REPS1: variants seen among roughly 807,000 people sequenced by gnomAD.
REPS1 encodes RALBP1 associated Eps domain containing 1.
In REPS1, 39 loss-of-function variants were observed where a neutral mutation model predicts 100.9. The ratio of observed to expected loss-of-function variants is 0.39; its 90% CI spans 0.30 to 0.50. The LOEUF is 0.50. REPS1 is among the 20% of genes least tolerant of loss of function. The pLI, the probability that REPS1 is intolerant of heterozygous loss-of-function variation, is 0.86. For missense variants in REPS1, 821 were observed against 968.5 expected (o/e 0.85, Z 2.02); for synonymous variants, 324 against 340.3 (o/e 0.95, Z 0.53).
At position 138,926,460 on chromosome 6, in the gene REPS1, G is replaced by A. The variant is rs756901615; in HGVS notation, c.1279C>T (p.Arg427Cys). ...GTCAGAGTTTGTGAGCTTGAAGAGC[G>A]TTCACTAAATGTCTCCCACTGCTGA... is the stretch of plus-strand genomic sequence containing the variant. ...SSEQWETFSERSSSSQTLTQF... is the reference protein window; with the variant it reads ...SSEQWETFSECSSSSQTLTQF... Residue 427 changes from arginine (R) to cysteine (C), a missense_variant, in exon 10 of 20, where the codon CGC becomes TGC. Arg to Cys is a radical substitution (Grantham distance 180). This residue lies in a region of REPS1 where 757 missense variants were observed against 866.4 expected (regional missense o/e 0.87). Coordinates refer to ENST00000450536, the MANE Select transcript of REPS1 (RefSeq NM_001286611.2). 5.0e-6 allele frequency: 8 copies of A among 1,612,132 alleles called. No individual in the cohort carries two copies. Among genetic ancestry groups the A allele is most frequent in the South Asian group, 3.3e-5 (3 of 90,612 alleles).
Position 138,908,744 on chromosome 6 carries a change from T to C in REPS1, c.2140A>G (p.Arg714Gly). The C allele has an allele frequency of 6.2e-7, 1 of 1,614,208 alleles. No individual in the cohort carries two copies. Among genetic ancestry groups the C allele is most frequent in the Non-Finnish European group, 8.5e-7 (1 of 1,180,014 alleles). The change falls in exon 18 of 20, where the codon AGG becomes GGG. Residue 714 changes from arginine (R) to glycine (G), a missense_variant. Physicochemically the swap from Arg to Gly is moderately radical, Grantham distance 125 (BLOSUM62 -2). Coordinates refer to ENST00000450536, the MANE Select transcript of REPS1 (RefSeq NM_001286611.2). ...RRRLKSEDEL[R>G]PEVDEHTQKT... ...TGTGTATGTTCATCAACTTCTGGCC[T>C]TAATTCATCTTCTGATTTTAATCTT...
intron 1 of REPS1, among the ~76,000 whole-genome samples, chr6:138,971,229 G>T (rs1226499774): frequency 6.6e-6 from 1 of 152,128 alleles, no homozygotes; most frequent in Non-Finnish European, 1.5e-5. Context: ...AATACAGTGG[G>T]TCATTAGCTT....
At chr6:138,976,034 C>T (rs1044195536) in intron 1 of REPS1, among the ~76,000 whole-genome samples, 12 of 152,098 alleles carry the variant, frequency 7.9e-5, no homozygotes, top group African/African-American at 2.9e-4. Context: ...AAAATTACTA[C>T]GATGTTGTAA....
chr6:138,923,490 G>C (rs1459491074), intron 10 of REPS1, among the ~76,000 whole-genome samples: 2 of 152,184 alleles, frequency 1.3e-5, no homozygotes, highest in Non-Finnish European at 1.5e-5. Context: ...TGGAACAGCT[G>C]GGAATGTTAA....
chr6:138,972,689 A>G (rs1582851832), intron 1 of REPS1, among the ~76,000 whole-genome samples: 3 of 152,106 alleles, frequency 2.0e-5, no homozygotes, highest in African/African-American at 7.2e-5. Context: ...CCACTAAAAA[A>G]AAAAAAAAAA....
intron 19 of REPS1, among the ~76,000 whole-genome samples, chr6:138,906,659 A>C (rs1366217176): frequency 6.6e-6 from 1 of 152,184 alleles, no homozygotes; most frequent in African/African-American, 2.4e-5. Context: ...AACTGCATTC[A>C]TTTTTCATTT....
chr6:138,914,194 C>T (rs1004730894), intron 15 of REPS1, among the ~76,000 whole-genome samples: 4 of 152,120 alleles, frequency 2.6e-5, no homozygotes, highest in Non-Finnish European at 4.4e-5. Flanking sequence ...CTCAGCCTCC[C>T]AAGTAGCTGG....
Position 138,971,019 on chromosome 6 carries a change from C to T in REPS1, c.153+16511G>A, listed in dbSNP as rs551977640. The stretch of plus-strand genomic sequence containing the variant: ...TACAATTAGTAACTATGACAATTCC[C>T]TTTTTGCCATTTGTTAAGTGCTAGT... On this transcript the variant is annotated intron_variant, in intron 1 of 19. Transcript: ENST00000450536. Among the ~76,000 whole-genome samples the T allele has an allele frequency of 6.6e-5, 10 of 152,250 alleles. No homozygotes were observed. The East Asian group carries it at 1.7e-3, about 26-fold the overall frequency.
intron 1 of REPS1, among the ~76,000 whole-genome samples, chr6:138,948,750 T>A (rs938717169): frequency 2.0e-5 from 3 of 152,206 alleles, no homozygotes; most frequent in Non-Finnish European, 4.4e-5. Flanking sequence ...AGAGAGCAGT[T>A]TTAGTCTATT....
chr6:138,919,936 T>G (rs1339179754), intron 12 of REPS1, among the ~76,000 whole-genome samples: 1 of 152,216 alleles, frequency 6.6e-6, no homozygotes, highest in East Asian at 1.9e-4. Flanking sequence ...AATGAAAGTA[T>G]ACACAATTTC....
chr6:138,955,443 A>AG (rs1783314170), intron 1 of REPS1, among the ~76,000 whole-genome samples: 1 of 112,218 alleles, frequency 8.9e-6, no homozygotes, highest in African/African-American at 3.6e-5. Flanking sequence ...GTCTCTTTAA[A>AG]AAAAAAAAAA....
chr6:138,924,396 A>G (rs753117513), intron 10 of REPS1, among the ~76,000 whole-genome samples: 14 of 152,184 alleles, frequency 9.2e-5, no homozygotes, highest in Non-Finnish European at 1.8e-4. Flanking sequence ...GCAAATCTGA[A>G]TATTATTTCC....
At chr6:138,941,532 G>A (rs749077195) in intron 7 of REPS1, 43 bp from the exon 8 acceptor site, 6 of 1,552,068 alleles carry the variant, frequency 3.9e-6, no homozygotes, top group Non-Finnish European at 5.3e-6. Context: ...ATTCCGCTTT[G>A]GATCCTTTTA....
At chr6:138,953,476 A>G (rs1783171880) in intron 1 of REPS1, among the ~76,000 whole-genome samples, 1 of 152,160 alleles carries the variant, frequency 6.6e-6, no homozygotes, top group African/African-American at 2.4e-5. Flanking sequence ...ATATACAAGG[A>G]GCTGAAATAT....
At position 138,944,496 on chromosome 6, in the gene REPS1, A is replaced by C; in HGVS notation, c.753+2T>G. 6.2e-7 allele frequency: 1 copy of C among 1,613,620 alleles called. No individual in the cohort carries two copies. Among genetic ancestry groups the C allele is most frequent in the Non-Finnish European group, 8.5e-7 (1 of 1,179,728 alleles). ...AAATGCAATACCAATAAAATGTCAC[A>C]CCTGGACAGAAGCAGGATGCATGGT... On this transcript the variant is annotated splice_donor_variant, in intron 5 of 19. Transcript: ENST00000450536. LOFTEE classifies it high-confidence loss of function.
chr6:138,922,358 T>A (rs183084650), intron 10 of REPS1, among the ~76,000 whole-genome samples: 1 of 152,238 alleles, frequency 6.6e-6, no homozygotes, highest in Non-Finnish European at 1.5e-5. Context: ...GGAACAAGAC[T>A]CCCATTCTAA....
At chr6:138,982,432 C>G (rs1026279157) in intron 1 of REPS1, among the ~76,000 whole-genome samples, 1 of 152,192 alleles carries the variant, frequency 6.6e-6, no homozygotes, top group African/African-American at 2.4e-5. Context: ...CTTTATCAAT[C>G]TATTATGCAT....
Position 138,912,906 on chromosome 6 carries a change from G to A in REPS1, c.1830C>T (p.Leu610=), listed in dbSNP as rs1233419343. 1 of 1,614,088 alleles carries A rather than the reference G, an allele frequency of 6.2e-7. No homozygotes were observed. Among genetic ancestry groups the A allele is most frequent in the Non-Finnish European group, 8.5e-7 (1 of 1,179,998 alleles). ...GAGGTGAGGTACTAGTGTGAGTTAT[G>A]AGGCCATCGGCATCCACTGGGCGAT... ...AVHRPVDADG[L]ITHTSTSPQQ... The change falls in exon 16 of 20, where the codon CTC becomes CTT. Residue 610 remains leucine (L), a synonymous_variant. Transcript: ENST00000450536.
chr6:138,925,565 G>A (rs989212217), intron 10 of REPS1, among the ~76,000 whole-genome samples: 1 of 151,292 alleles, frequency 6.6e-6, no homozygotes, highest in African/African-American at 2.4e-5. Context: ...TTTCTACTCA[G>A]CTCATTTTAA....
Sources: gnomAD v4.1 joint callset for allele counts (sites outside exome capture counted in the v4.1 genomes callset) on GRCh38, gnomAD v4.1.1 for gene constraint, gnomAD v4.1.1 regional missense constraint, MANE v1.5 for transcripts, NCBI Gene and HGNC (gene_info 2026-07-23, HGNC 2026-07-21) for gene names.